PDE12: variants seen among roughly 807,000 people sequenced by gnomAD.
PDE12 encodes 2',5'-phosphodiesterase 12.
Under a neutral mutation model 45.4 loss-of-function variants are expected in PDE12, and 26 were observed. The observed-to-expected ratio is 0.57, with a 90% CI of 0.42 to 0.79. The LOEUF is 0.79. PDE12 is among the 30% of genes least tolerant of loss of function. The pLI, the probability that PDE12 is intolerant of heterozygous loss-of-function variation, is 0.00. For synonymous variants in PDE12, 283 were observed against 323.9 expected, an observed-to-expected ratio of 0.87 and a Z score of 1.36; for missense variants, 668 against 790.0, an observed-to-expected ratio of 0.85 and a Z score of 1.85.
At chr3:57,594,934 A>C in the PDE12 span, among the ~76,000 whole-genome samples, 1 of 152,190 alleles carries the variant, frequency 6.6e-6, no homozygotes, top group Non-Finnish European at 1.5e-5. Flanking sequence ...ACTTCCTTTG[A>C]TGAGTTACCA....
the PDE12 span, among the ~76,000 whole-genome samples, chr3:57,593,782 C>T: frequency 3.9e-5 from 6 of 152,104 alleles, no homozygotes; most frequent in African/African-American, 1.2e-4. Flanking sequence ...CGCCCTGTAA[C>T]CCTAGCACTT....
intron 1 of PDE12, 151 bp from the exon 2 acceptor site, chr3:57,559,159 T>G (rs529418117): frequency 5.0e-6 from 3 of 596,296 alleles, no homozygotes; most frequent in Non-Finnish European, 8.8e-6. Context: ...AGGCGGAGCT[T>G]GCAGTGAGCC....
At chr3:57,569,768 G>A (rs1267285987), downstream of PDE12, among the ~76,000 whole-genome samples, 1 of 139,596 alleles carries the variant, frequency 7.2e-6, no homozygotes, top group Non-Finnish European at 1.5e-5. Flanking sequence ...GGAAGTAAAG[G>A]TTTCGGTGAG....
At position 57,560,989 on chromosome 3, in the gene PDE12, A is replaced by G; in HGVS notation, c.*985A>G. On this transcript the variant is annotated 3_prime_UTR_variant, in exon 3 of 3. Transcript: ENST00000311180. The stretch of plus-strand genomic sequence containing the variant: ...GAACAAGTAAGGTATTTTCATTCTT[A>G]TTTTTAGGATTTTAGTTTTTAGTGT... The G allele has an allele frequency of 1.0e-6, 1 of 975,756 alleles. No individual in the cohort carries two copies. Among genetic ancestry groups the G allele is most frequent in the Non-Finnish European group, 1.2e-6 (1 of 820,800 alleles). The allele number at this position is 975,756 out of a possible 1,614,324, so 60.4% of individuals were successfully genotyped here.
chr3:57,612,623 T>G, the PDE12 span, among the ~76,000 whole-genome samples: 1 of 151,380 alleles, frequency 6.6e-6, no homozygotes, highest in African/African-American at 2.4e-5. Flanking sequence ...ATACAAAAAT[T>G]AGTTGGGTGT....
At chr3:57,597,239 G>C in the PDE12 span, 2 of 1,184,898 alleles carry the variant, frequency 1.7e-6, no homozygotes, top group African/African-American at 1.5e-5. Flanking sequence ...CGAGAGGGAA[G>C]AGAAAGAGCG....
chr3:57,613,900 CAA>C, the PDE12 span, among the ~76,000 whole-genome samples: 293 of 59,426 alleles, frequency 4.9e-3, no homozygotes, highest in African/African-American at 0.02. Flanking sequence ...GACTCCATCT[CAA>C]AAAAAAAAAA....
At chr3:57,629,487 A>G in the PDE12 span, among the ~76,000 whole-genome samples, 1 of 151,058 alleles carries the variant, frequency 6.6e-6, no homozygotes, top group Non-Finnish European at 1.5e-5. Context: ...AATACAGAAC[A>G]TAAAAAAAAA....
chr3:57,601,472 G>C, the PDE12 span, among the ~76,000 whole-genome samples: 1 of 151,566 alleles, frequency 6.6e-6, no homozygotes, highest in Non-Finnish European at 1.5e-5. Flanking sequence ...TTACATTCCA[G>C]TCCCTTGGGT....
At chr3:57,569,974 G>A (rs912247974), downstream of PDE12, among the ~76,000 whole-genome samples, 1 of 151,608 alleles carries the variant, frequency 6.6e-6, no homozygotes, top group Non-Finnish European at 1.5e-5. Context: ...TAGCCCTAAC[G>A]CTGAACTTAT....
chr3:57,646,167 A>G, the PDE12 span: 1 of 1,134,134 alleles, frequency 8.8e-7, no homozygotes, highest in East Asian at 2.6e-5. Flanking sequence ...TATAATAAGC[A>G]TTACCTTCTG....
chr3:57,565,394 G>C lies in PDE12; in HGVS notation c.*5390G>C, dbSNP rs902921420. 4.6e-5 allele frequency: 7 copies of C among 152,206 alleles called. 1 individual carries two copies. Among genetic ancestry groups the C allele is most frequent in the African/African-American group, 1.7e-4 (7 of 41,516 alleles). The allele number at this position is 152,206 out of a possible 1,614,324, so 9.4% of individuals were successfully genotyped here. The stretch of plus-strand genomic sequence containing the variant: ...CATAGTAGGTGTATATATTTATGTG[G>C]GACATATTTCTTTTGATAGAGTAAA... On this transcript the variant is annotated 3_prime_UTR_variant, in exon 3 of 3. Coordinates refer to ENST00000311180, the MANE Select transcript of PDE12 (RefSeq NM_177966.7).
the PDE12 span, among the ~76,000 whole-genome samples, chr3:57,601,628 G>A: frequency 2.0e-5 from 3 of 151,800 alleles, no homozygotes; most frequent in Non-Finnish European, 4.4e-5. Flanking sequence ...CGGGGATCCT[G>A]GAACCAATCT....
the PDE12 span, among the ~76,000 whole-genome samples, chr3:57,606,793 G>C: frequency 2.0e-5 from 3 of 152,166 alleles, no homozygotes; most frequent in African/African-American, 7.2e-5. Flanking sequence ...TAGCGGGGCA[G>C]TTCCAAGATG....
chr3:57,655,634 A>T, the PDE12 span, among the ~76,000 whole-genome samples: 5 of 152,300 alleles, frequency 3.3e-5, no homozygotes, highest in African/African-American at 7.2e-5. Flanking sequence ...ATATTTTTTT[A>T]AATTACGTTC....
the PDE12 span, chr3:57,654,745 G>A: frequency 8.5e-5 from 84 of 985,250 alleles, no homozygotes; most frequent in South Asian, 3.8e-4. Context: ...TGAAAGGAGC[G>A]CCTACACTCA....
At chr3:57,567,152 A>G (rs550242085), downstream of PDE12, among the ~76,000 whole-genome samples, 34 of 152,228 alleles carry the variant, frequency 2.2e-4, no homozygotes, top group South Asian at 6.8e-3. Context: ...TCTACTAAAA[A>G]TACAAAAAAA....
chr3:57,627,488 TC>T, the PDE12 span: 1 of 152,052 alleles, frequency 6.6e-6, no homozygotes, highest in Non-Finnish European at 1.5e-5. Flanking sequence ...AACTCTTCCA[TC>T]ATTAATACTA....
At chr3:57,625,569 C>T in the PDE12 span, 2 of 152,486 alleles carry the variant, frequency 1.3e-5, no homozygotes, top group South Asian at 2.1e-4. Flanking sequence ...ACCCTTAAAG[C>T]AGTGATTCCT....
Sources: gnomAD v4.1 joint callset for allele counts (sites outside exome capture counted in the v4.1 genomes callset) on GRCh38, gnomAD v4.1.1 for gene constraint, MANE v1.5 for transcripts, NCBI Gene and HGNC (gene_info 2026-07-23, HGNC 2026-07-21) for gene names.